The following SLC7A14 variants were observed in gnomAD, a reference collection of about 807,000 sequenced individuals.
SLC7A14 encodes gamma-aminobutyric acid transporter SLC7A14.
Under a neutral mutation model 60.2 loss-of-function variants are expected in SLC7A14, and 37 were observed. The observed-to-expected ratio is 0.61, with a 90% confidence interval of 0.47 to 0.81. SLC7A14 has a LOEUF of 0.81. SLC7A14 is among the 30% of genes least tolerant of loss of function. The probability of loss-of-function intolerance (pLI) is 0.00; values close to 1 mark genes in which losing one functional copy is unlikely to be tolerated. For missense variants in SLC7A14, 886 were observed against 982.7 expected (o/e 0.90, Z 1.32); for synonymous variants, 399 against 395.8 (o/e 1.01, Z -0.10).
intron 7 of SLC7A14, among the ~76,000 whole-genome samples, chr3:170,468,613 T>C (rs1739792086): frequency 6.6e-6 from 1 of 152,138 alleles, no homozygotes; most frequent in African/African-American, 2.4e-5. Flanking sequence ...CCATTTTCTA[T>C]CTTGAATAGA....
chr3:170,577,650 A>G (rs1715135439), intron 1 of SLC7A14, among the ~76,000 whole-genome samples: 1 of 148,846 alleles, frequency 6.7e-6, no homozygotes. Context: ...AAAAAAAAAG[A>G]AAACCACAGA....
chr3:170,551,585 A>G (rs1024391523), intron 1 of SLC7A14, among the ~76,000 whole-genome samples: 1 of 152,230 alleles, frequency 6.6e-6, no homozygotes, highest in African/African-American at 2.4e-5. Flanking sequence ...TTTTAAAATT[A>G]CAACCATCCT....
At chr3:170,568,081 C>T (rs970149840) in intron 1 of SLC7A14, among the ~76,000 whole-genome samples, 2 of 152,230 alleles carry the variant, frequency 1.3e-5, no homozygotes, top group African/African-American at 2.4e-5. Context: ...GAAGTCCTTG[C>T]CCATGCCTAT....
chr3:170,467,116 T>G lies in SLC7A14; in HGVS notation c.2255A>C (p.Lys752Thr). The change falls in exon 8 of 8, where the codon AAA becomes ACA. Residue 752 changes from lysine (K) to threonine (T), a missense_variant. By Grantham distance (78) the Lys-to-Thr change is moderately conservative. Transcript: ENST00000231706. ...CAGGGCCTCTGAGTTCTGTTTGTGT[T>G]TGCTTTTGCTCTTCGCTTTGCTACT... is the stretch of plus-strand genomic sequence containing the variant. ...RTSSKAKSKS[K>T]HKQNSEALIA... 1 of 1,613,778 alleles carries G rather than the reference T, an allele frequency of 6.2e-7. No individual in the cohort carries two copies. The highest frequency in any genetic ancestry group is 8.5e-7 in the Non-Finnish European group (1 of 1,179,602).
At position 170,480,416 on chromosome 3, in the gene SLC7A14, G is replaced by T. The variant is rs769477469; in HGVS notation, c.1866C>A (p.Pro622=). ...VFVILQQPEN[P]KKLPYMAPCL... ...AAGGGGCCATGTAGGGCAGCTTCTT[G>T]GGGTTCTCTGGCTGCTGCAGGATCA... The change falls in exon 7 of 8, where the codon CCC becomes CCA. Residue 622 remains proline (P), a synonymous_variant. Transcript: ENST00000231706. 89 of 1,613,384 alleles carry T rather than the reference G, an allele frequency of 5.5e-5. No individual in the cohort carries two copies. Among genetic ancestry groups the T allele is most frequent in the Non-Finnish European group, 7.5e-5 (89 of 1,179,578 alleles).
chr3:170,568,080 G>C (rs9683363), intron 1 of SLC7A14, among the ~76,000 whole-genome samples: 31,430 of 152,100 alleles, frequency 0.21, 3,860 homozygotes, highest in Non-Finnish European at 0.27. Context: ...TGAAGTCCTT[G>C]CCCATGCCTA....
chr3:170,487,908 T>C (rs1253692003), intron 4 of SLC7A14, among the ~76,000 whole-genome samples: 2 of 152,230 alleles, frequency 1.3e-5, no homozygotes, highest in African/African-American at 4.8e-5. Context: ...GTGTCACCAA[T>C]AGCAATCAGA....
intron 2 of SLC7A14, among the ~76,000 whole-genome samples, chr3:170,522,478 T>TA (rs1021785206): frequency 1.3e-5 from 2 of 152,242 alleles, no homozygotes; most frequent in African/African-American, 4.8e-5. Context: ...AACCTTCTGA[T>TA]ACACACAACA....
intron 4 of SLC7A14, among the ~76,000 whole-genome samples, chr3:170,492,849 C>T (rs374879180): frequency 6.6e-6 from 1 of 152,162 alleles, no homozygotes; most frequent in African/African-American, 2.4e-5. Context: ...ATGTTATTCA[C>T]TCTCTAGGCA....
At chr3:170,580,437 A>C (rs1307450679) in intron 1 of SLC7A14, among the ~76,000 whole-genome samples, 2 of 152,212 alleles carry the variant, frequency 1.3e-5, no homozygotes, top group Non-Finnish European at 2.9e-5. Context: ...GAAGTGAATA[A>C]ATCATGACGC....
intron 1 of SLC7A14, among the ~76,000 whole-genome samples, chr3:170,572,757 C>T (rs979411665): frequency 6.6e-6 from 1 of 152,156 alleles, no homozygotes; most frequent in African/African-American, 2.4e-5. Context: ...ATTTCTGGCA[C>T]GACAGTCTCT....
intron 2 of SLC7A14, among the ~76,000 whole-genome samples, chr3:170,523,016 A>C (rs1187434719): frequency 6.6e-6 from 1 of 152,232 alleles, no homozygotes; most frequent in African/African-American, 2.4e-5. Context: ...TAAAGAGATA[A>C]AGAGTTTTAA....
Position 170,535,982 on chromosome 3 carries a change from G to T in SLC7A14, c.-152-8894C>A, listed in dbSNP as rs145023607. Among the ~76,000 whole-genome samples, 1 of 152,078 alleles carries T rather than the reference G, an allele frequency of 6.6e-6. No homozygotes were observed. Among genetic ancestry groups the T allele is most frequent in the Non-Finnish European group, 1.5e-5 (1 of 68,026 alleles). ...TGACTGATACATGGGTATATTAGAC[G>T]GCTGAGATAGATTCAGGAAATCAAC... On this transcript the variant is annotated intron_variant, in intron 1 of 7. Transcript: ENST00000231706. The surrounding 1 kb of genome is among the most constrained non-coding windows in gnomAD (Gnocchi z 4.3).
At chr3:170,481,626 T>C (rs9871101) in intron 6 of SLC7A14, among the ~76,000 whole-genome samples, 46,585 of 151,934 alleles carry the variant, frequency 0.31, 8,129 homozygotes, top group African/African-American at 0.47. Flanking sequence ...GGTCTCGAAC[T>C]CCTGACCTCA....
chr3:170,560,090 C>T (rs950058593), intron 1 of SLC7A14, among the ~76,000 whole-genome samples: 2 of 152,208 alleles, frequency 1.3e-5, no homozygotes, highest in Admixed American at 6.5e-5. Context: ...CATTAGCTAT[C>T]GGGTTGGAGA....
chr3:170,479,196 C>T (rs1260383557), intron 7 of SLC7A14, among the ~76,000 whole-genome samples: 1 of 152,064 alleles, frequency 6.6e-6, no homozygotes, highest in Non-Finnish European at 1.5e-5. Flanking sequence ...TTTGGCCTCT[C>T]TTGGGCTAAG....
rs374365211 is a variant in SLC7A14, at chr3:170,501,320, A to G, written c.330T>C (p.Val110=). 9.9e-6 allele frequency: 16 copies of G among 1,614,222 alleles called. No individual in the cohort carries two copies. The highest frequency in any genetic ancestry group is 1.4e-5 in the Non-Finnish European group (16 of 1,180,030). The change falls in exon 3 of 8, where the codon GTT becomes GTC. Residue 110 remains valine, a synonymous_variant. Coordinates refer to ENST00000231706, the MANE Select transcript of SLC7A14 (RefSeq NM_020949.3). ...LSGVCYAEFG[V]RVPKTTGSAY... Reference sequence around the variant, plus strand: ...CAGATCCTGTGGTCTTGGGGACTCGAACTCCAAACTCTGCATAGCAGACGC... The same window carrying G: ...CAGATCCTGTGGTCTTGGGGACTCGGACTCCAAACTCTGCATAGCAGACGC...
intron 2 of SLC7A14, among the ~76,000 whole-genome samples, chr3:170,502,529 A>G (rs2108281360): frequency 6.6e-6 from 1 of 152,290 alleles, no homozygotes; most frequent in Non-Finnish European, 1.5e-5. Flanking sequence ...GGTCAGACAT[A>G]GGACAGCTTG....
In SLC7A14 at chr3:170,553,869, G is replaced by A. The variant is rs539491147; in HGVS notation, c.-152-26781C>T. On this transcript the variant is annotated intron_variant, in intron 1 of 7. Transcript: ENST00000231706. ...AAAAACTTTTTTTTTTTTTGGCATG[G>A]TTTGACATTTTAATATTATCTTTTT... 4.0e-5 allele frequency among the ~76,000 whole-genome samples: 6 copies of A among 150,788 alleles called. No homozygotes were observed. In the South Asian group the frequency reaches 1.3e-3, roughly 32 times the overall value.
Sources: gnomAD v4.1 joint callset for allele counts (sites outside exome capture counted in the v4.1 genomes callset) on GRCh38, gnomAD v4.1.1 for gene constraint, Gnocchi (gnomAD v3.1) non-coding constraint, MANE v1.5 for transcripts, NCBI Gene and HGNC (gene_info 2026-07-23, HGNC 2026-07-21) for gene names.